The following CCDC51 variants were observed in gnomAD, a reference collection of about 807,000 sequenced individuals.
CCDC51 encodes the protein coiled-coil domain containing 51.
A neutral mutation model predicts 24.8 loss-of-function variants in CCDC51; 25 were observed. The ratio of observed to expected loss-of-function variants is 1.01; its 90% CI spans 0.73 to 1.41. CCDC51 has a LOEUF of 1.41. CCDC51 is among the 40% of genes most tolerant of loss of function. The pLI, the probability that CCDC51 is intolerant of heterozygous loss-of-function variation, is 0.00. For missense variants in CCDC51, 466 were observed against 519.1 expected, an observed-to-expected ratio of 0.90 and a Z score of 0.99; for synonymous variants, 190 against 204.3, an observed-to-expected ratio of 0.93 and a Z score of 0.60.
In CCDC51 at chr3:48,432,284, C is replaced by T; in HGVS notation, c.*124G>A. 1 of 1,141,598 alleles carries T rather than the reference C, an allele frequency of 8.8e-7. No homozygotes were observed. The highest frequency in any genetic ancestry group is 1.2e-6 in the Non-Finnish European group (1 of 805,128). The allele number at this position is 1,141,598 out of a possible 1,614,324, so 70.7% of individuals were successfully genotyped here. ...GAAGCATGCCTGCTGGTGAGCCACA[C>T]AGATACTGCTCCTTCAGATTGAGGT... On this transcript the variant is annotated 3_prime_UTR_variant, in exon 4 of 4. Transcript: ENST00000395694.
chr3:48,440,759 T>TGGTC (rs1158665636), upstream of CCDC51: 14 of 817,842 alleles, frequency 1.7e-5, no homozygotes, highest in Non-Finnish European at 2.4e-5. Context: ...CTGCAGCGAA[T>TGGTC]GGTCTCTAGC....
Position 48,432,993 on chromosome 3 carries a change from A to G in CCDC51, c.651T>C (p.Ala217=). 1 of 1,614,212 alleles carries G rather than the reference A, an allele frequency of 6.2e-7. No homozygotes were observed. Among genetic ancestry groups the G allele is most frequent in the Non-Finnish European group, 8.5e-7 (1 of 1,180,038 alleles). Residue 217 remains alanine (A), a synonymous_variant, in exon 4 of 4, where the codon GCT becomes GCC. Transcript: ENST00000395694. ...GCACACGGTTCACATAGGTGGAGCC[A>G]GCCACACCAATCAGGGCCCCCAGGA... ...GSVLGALIGV[A]GSTYVNRVRL...
At chr3:48,443,720 A>G (rs549643140), upstream of CCDC51, 65 of 599,998 alleles carry the variant, frequency 1.1e-4, no homozygotes, top group Middle Eastern at 2.7e-4. Flanking sequence ...TGAAGCTGCT[A>G]TCCATGCTTG....
intron 1 of CCDC51, among the ~76,000 whole-genome samples, chr3:48,438,857 C>T (rs1437461531): frequency 6.6e-6 from 1 of 152,204 alleles, no homozygotes; most frequent in African/African-American, 2.4e-5. Flanking sequence ...CTGTCTTTTC[C>T]ATGGCCTACA....
upstream of CCDC51, among the ~76,000 whole-genome samples, chr3:48,444,764 G>A (rs2039635922): frequency 2.6e-5 from 4 of 152,178 alleles, no homozygotes; most frequent in South Asian, 8.3e-4. Flanking sequence ...CAAATTACAT[G>A]ATCCTTCAAG....
chr3:48,440,094 A>T lies in CCDC51; in HGVS notation c.-115T>A. 1 of 818,262 alleles carries T rather than the reference A, an allele frequency of 1.2e-6. No individual in the cohort carries two copies. The highest frequency in any genetic ancestry group is 1.9e-5 in the South Asian group (1 of 53,512). 50.7% of individuals were successfully genotyped at this position (818,262 alleles called of 1,614,324 possible). A position where few individuals can be genotyped will look rare whatever the true frequency, so the allele number is the denominator to read the frequency against. On this transcript the variant is annotated 5_prime_UTR_variant, in exon 1 of 4. Coordinates refer to ENST00000395694, the MANE Select transcript of CCDC51 (RefSeq NM_001256964.2). ...TGGCAGGACAACCCTAGCTCCTCGT[A>T]CCTGGCGTGGCCCGACCAATCGTCT...
At chr3:48,442,442 T>A (rs1284539342), upstream of CCDC51, among the ~76,000 whole-genome samples, 1 of 151,038 alleles carries the variant, frequency 6.6e-6, no homozygotes, top group Non-Finnish European at 1.5e-5. Context: ...TAGGCATATG[T>A]AACCCTACAC....
the CCDC51 span, chr3:48,446,582 C>G: frequency 6.0e-6 from 2 of 330,910 alleles, no homozygotes; most frequent in Admixed American, 1.0e-4. Context: ...GGTAACGGGT[C>G]GCGCCGCACT....
chr3:48,440,591 G>A (rs934455217), upstream of CCDC51: 8 of 1,611,834 alleles, frequency 5.0e-6, no homozygotes, highest in South Asian at 3.3e-5. Flanking sequence ...AGAAACTCGA[G>A]GAGCTAAAAG....
rs564625625 is a variant in CCDC51 at position 48,439,206 on chromosome 3, T to C, written c.-9+782A>G. ...CAACATGTATCCCATTTATTTGCTT[T>C]GGTTATAGTCTGTCTCACTCACTAG... is the stretch of plus-strand genomic sequence containing the variant. On this transcript the variant is annotated intron_variant, in intron 1 of 3. Coordinates refer to ENST00000395694, the MANE Select transcript of CCDC51 (RefSeq NM_001256964.2). Among the ~76,000 whole-genome samples, 325 of 152,380 alleles carry C rather than the reference T, an allele frequency of 2.1e-3. 1 individual carries two copies. The highest frequency in any genetic ancestry group is 3.5e-3 in the Non-Finnish European group (238 of 68,046).
chr3:48,439,404 C>CG (rs2039478131), intron 1 of CCDC51, among the ~76,000 whole-genome samples: 1 of 152,128 alleles, frequency 6.6e-6, no homozygotes, highest in Non-Finnish European at 1.5e-5. Context: ...GAGGCTGAGG[C>CG]GGGGGGATCA....
rs535682321 is a variant in CCDC51 at position 48,432,523 on chromosome 3, G to A, written c.1121C>T (p.Thr374Met). ...GACTTGGGCTTCTAGTCTCTGCTCC[G>A]TGTCTGACAGTGCCAAGATCATGCT... ...QGSMILALSD[T>M]EQRLEAQVNR... is the part of the protein sequence containing the mutation. The change falls in exon 4 of 4, where the codon ACG becomes ATG. Residue 374 changes from threonine to methionine, a missense_variant. Physicochemically the swap from Thr to Met is moderately conservative, Grantham distance 81. Coordinates refer to ENST00000395694, the MANE Select transcript of CCDC51 (RefSeq NM_001256964.2). 1.1e-5 allele frequency: 17 copies of A among 1,614,068 alleles called. No homozygotes were observed. The highest frequency in any genetic ancestry group is 1.7e-5 in the Admixed American group (1 of 60,006).
upstream of CCDC51, chr3:48,440,350 G>C (rs759890874): frequency 4.4e-5 from 71 of 1,611,816 alleles, no homozygotes; most frequent in Non-Finnish European, 5.5e-5. Context: ...CGGGGACGGC[G>C]GGGTGGGGAC....
At chr3:48,438,060 C>T (rs1010239427) in intron 1 of CCDC51, 2 of 152,218 alleles carry the variant, frequency 1.3e-5, no homozygotes, top group Non-Finnish European at 1.5e-5. Context: ...CTGGCCTTCA[C>T]CTGCTCCTCC....
At chr3:48,440,253 C>T (rs372330130), upstream of CCDC51, 29 of 1,574,198 alleles carry the variant, frequency 1.8e-5, no homozygotes, top group African/African-American at 5.4e-5. Context: ...GGGGCAGACG[C>T]TCCGTTTCCG....
upstream of CCDC51, among the ~76,000 whole-genome samples, chr3:48,443,482 T>C (rs13324374): frequency 0.6 from 90,355 of 150,652 alleles, 27,230 homozygotes; most frequent in East Asian, 0.7. Context: ...TGCAGTGAGC[T>C]GAGATCGTGC....
upstream of CCDC51, chr3:48,440,713 C>T: frequency 8.2e-7 from 1 of 1,219,820 alleles, no homozygotes; most frequent in Non-Finnish European, 1.2e-6. Flanking sequence ...CTTTTTCCTG[C>T]CTCCTGAACT....
At position 48,433,731 on chromosome 3, in the gene CCDC51, A is replaced by G. The variant is rs765344322; in HGVS notation, c.453T>C (p.Ala151=). The stretch of plus-strand genomic sequence containing the variant: ...CCTGCAGCATCCTGTGCTCGAGAGT[A>G]GCCAGTTCCAAGTACTGACTGTCCT... ...SREDSQYLEL[A]TLEHRMLQEE... The change falls in exon 3 of 4, where the codon GCT becomes GCC. Residue 151 remains alanine (A), a synonymous_variant. Transcript: ENST00000395694. This position sits in a 1 kb window ranked among gnomAD's most constrained non-coding sequence, Gnocchi z 4.4. 5.0e-6 allele frequency: 8 copies of G among 1,613,982 alleles called. No individual in the cohort carries two copies. The South Asian group carries it at 8.8e-5, about 18-fold the overall frequency.
chr3:48,440,293 C>T (rs376665779), upstream of CCDC51: 50 of 1,604,396 alleles, frequency 3.1e-5, no homozygotes, highest in African/African-American at 1.5e-4. Context: ...CGGCGGCAGG[C>T]GCCATGTCCG....
Sources: allele counts gnomAD v4.1 joint callset (sites outside exome capture counted in the v4.1 genomes callset), GRCh38; gene constraint gnomAD v4.1.1; non-coding constraint Gnocchi (gnomAD v3.1); transcripts MANE v1.5; gene names NCBI Gene and HGNC (gene_info 2026-07-23, HGNC 2026-07-21).